The following COX10 variants were observed in gnomAD, a reference collection of about 807,000 sequenced individuals.
The protein encoded by COX10 is cytochrome c oxidase assembly factor heme A:farnesyltransferase COX10.
In COX10, 27 loss-of-function variants were observed where a neutral mutation model predicts 37.3. That is an observed-to-expected ratio of 0.72 (90% CI 0.53 to 1.00). The LOEUF (loss-of-function observed/expected upper bound fraction) is 1.00. COX10 is among the 50% of genes least tolerant of loss of function. The pLI, the probability that COX10 is intolerant of heterozygous loss-of-function variation, is 0.00. For synonymous variants in COX10, 222 were observed against 229.1 expected (o/e 0.97, Z 0.28); for missense variants, 475 against 563.2 (o/e 0.84, Z 1.59).
intron 4 of COX10, among the ~76,000 whole-genome samples, chr17:14,121,005 T>G (rs1916216467): frequency 6.6e-6 from 1 of 152,212 alleles, no homozygotes; most frequent in South Asian, 2.1e-4. Flanking sequence ...TGTCCTTTGC[T>G]TCTGTAACCT....
At position 14,168,295 on chromosome 17, in the gene COX10, C is replaced by A. The variant is rs369669968; in HGVS notation, c.695+8348C>A. On this transcript the variant is annotated intron_variant, in intron 5 of 6. Transcript: ENST00000261643. ...CCCAAGGCCTTGGGCAGTTCTGCTC[C>A]TGTGGCTCTGCAGGGTACAGCCCTC... Among the ~76,000 whole-genome samples the A allele has an allele frequency of 2.8e-4, 43 of 152,366 alleles. No homozygotes were observed. The East Asian group carries it at 4.1e-3, about 14-fold the overall frequency.
At chr17:14,170,642 C>G (rs967641279) in intron 5 of COX10, among the ~76,000 whole-genome samples, 2 of 152,072 alleles carry the variant, frequency 1.3e-5, no homozygotes, top group Non-Finnish European at 2.9e-5. Context: ...TAGTGAGACC[C>G]TGTCTTTACA....
chr17:14,118,363 G>A (rs2142211024), intron 4 of COX10, among the ~76,000 whole-genome samples: 1 of 152,158 alleles, frequency 6.6e-6, no homozygotes. Context: ...TCTTCCCACA[G>A]TGCACTCCTT....
intron 4 of COX10, among the ~76,000 whole-genome samples, chr17:14,123,623 G>A (rs1329890963): frequency 6.6e-6 from 1 of 152,178 alleles, no homozygotes; most frequent in African/African-American, 2.4e-5. Flanking sequence ...AATAGAGAAT[G>A]TAAATGTTAT....
chr17:14,183,900 G>A (rs929227190), intron 5 of COX10, among the ~76,000 whole-genome samples: 5 of 152,158 alleles, frequency 3.3e-5, no homozygotes, highest in Admixed American at 2.6e-4. Flanking sequence ...TTGCTGTTTT[G>A]TTCACTGCTG....
At chr17:14,139,075 G>T (rs765221220) in intron 4 of COX10, among the ~76,000 whole-genome samples, 2 of 152,178 alleles carry the variant, frequency 1.3e-5, no homozygotes, top group African/African-American at 4.8e-5. Flanking sequence ...AGGATTACAT[G>T]AAATAATACA....
chr17:14,115,176 T>G (rs1004322664), intron 4 of COX10, among the ~76,000 whole-genome samples: 1 of 152,154 alleles, frequency 6.6e-6, no homozygotes, highest in African/African-American at 2.4e-5. Context: ...CAGTGTTACT[T>G]TGTTTCTTTA....
intron 1 of COX10, among the ~76,000 whole-genome samples, chr17:14,073,447 T>G (rs1021433999): frequency 6.6e-6 from 1 of 152,180 alleles, no homozygotes; most frequent in African/African-American, 2.4e-5. Flanking sequence ...TAAAACACTC[T>G]TAAAGACATT....
At chr17:14,090,354 G>T (rs1201212011) in intron 3 of COX10, among the ~76,000 whole-genome samples, 1 of 152,072 alleles carries the variant, frequency 6.6e-6, no homozygotes, top group South Asian at 2.1e-4. Context: ...TTACAAGATT[G>T]TCTCTTATAC....
At chr17:14,176,061 C>T (rs1315652587) in intron 5 of COX10, among the ~76,000 whole-genome samples, 2 of 152,052 alleles carry the variant, frequency 1.3e-5, no homozygotes, top group Non-Finnish European at 2.9e-5. Context: ...TAAAGTAGAC[C>T]GTAGAATCCC....
chr17:14,151,526 AACACACACACAC>A (rs58412592), intron 4 of COX10, among the ~76,000 whole-genome samples: 13,347 of 144,370 alleles, frequency 0.092, 652 homozygotes, highest in East Asian at 0.11. Flanking sequence ...TTCCTGAACT[AACACACACACAC>A]ACACACACAC....
chr17:14,206,876 G>A lies in COX10; in HGVS notation c.995G>A (p.Gly332Asp), dbSNP rs778473674. Residue 332 changes from glycine to aspartate, a missense_variant, in exon 7 of 7, where the codon GGC becomes GAC. By Grantham distance (94) the Gly-to-Asp change is moderately conservative. Coordinates refer to ENST00000261643, the MANE Select transcript of COX10 (RefSeq NM_001303.4). ...CCTCATTTCAACGCCCTGAGCTGGG[G>A]CCTCCGTGAAGACTACTCCCGGGGC... ...QFPHFNALSW[G>D]LREDYSRGGY... 1.2e-6 allele frequency: 2 copies of A among 1,614,048 alleles called. No homozygotes were observed. Among genetic ancestry groups the A allele is most frequent in the Admixed American group, 1.7e-5 (1 of 60,020 alleles).
chr17:14,086,513 T>TA (rs1176650511), intron 3 of COX10, among the ~76,000 whole-genome samples: 1 of 152,182 alleles, frequency 6.6e-6, no homozygotes, highest in East Asian at 1.9e-4. Context: ...ACTTTACTGT[T>TA]ACATCATCTT....
chr17:14,195,014 G>A (rs1373344975), intron 6 of COX10, among the ~76,000 whole-genome samples: 6 of 152,208 alleles, frequency 3.9e-5, no homozygotes, highest in Admixed American at 3.9e-4. Flanking sequence ...TCTTAAAGAT[G>A]CATTGTGGGG....
intron 4 of COX10, among the ~76,000 whole-genome samples, chr17:14,136,547 C>G (rs566525518): frequency 1.6e-4 from 25 of 152,146 alleles, no homozygotes; most frequent in African/African-American, 6.0e-4. Context: ...TAAAGCACGG[C>G]TGAGACTTTG....
intron 4 of COX10, among the ~76,000 whole-genome samples, chr17:14,134,135 G>T (rs1916527165): frequency 6.6e-6 from 1 of 151,556 alleles, no homozygotes; most frequent in Admixed American, 6.6e-5. Flanking sequence ...ACTCCATGAT[G>T]CCCTCAAATT....
At chr17:14,130,136 C>T (rs149311783) in intron 4 of COX10, among the ~76,000 whole-genome samples, 1 of 152,286 alleles carries the variant, frequency 6.6e-6, no homozygotes, top group African/African-American at 2.4e-5. Context: ...CTCCCAATTA[C>T]ATTACACTGG....
intron 4 of COX10, among the ~76,000 whole-genome samples, chr17:14,115,073 C>T (rs150219230): frequency 2.4e-3 from 370 of 152,194 alleles, no homozygotes; most frequent in Non-Finnish European, 3.1e-3. Flanking sequence ...TGGTACCTGA[C>T]AGGCACTCAG....
chr17:14,120,557 A>T (rs1403062174), intron 4 of COX10, among the ~76,000 whole-genome samples: 1 of 152,176 alleles, frequency 6.6e-6, no homozygotes, highest in Non-Finnish European at 1.5e-5. Flanking sequence ...GGATATAGTG[A>T]TGAAGAGACC....
Sources: gnomAD v4.1 joint callset for allele counts (sites outside exome capture counted in the v4.1 genomes callset) on GRCh38, gnomAD v4.1.1 for gene constraint, MANE v1.5 for transcripts, NCBI Gene and HGNC (gene_info 2026-07-23, HGNC 2026-07-21) for gene names.